Variants in GRXCR1 observed in about 807,000 individuals in gnomAD.
GRXCR1 encodes the protein glutaredoxin and cysteine rich domain containing 1.
GRXCR1 carries 27 observed loss-of-function variants against 27.3 expected under a neutral mutation model. That is an observed-to-expected ratio of 0.99 (90% CI 0.73 to 1.37). The LOEUF is 1.37. GRXCR1 is among the 40% of genes most tolerant of loss of function. GRXCR1 has a pLI of 0.00. For missense variants in GRXCR1, 379 were observed against 354.4 expected (o/e 1.07, Z -0.56); for synonymous variants, 122 against 131.1 (o/e 0.93, Z 0.47).
At chr4:42,923,483 T>A (rs1747070262) in intron 1 of GRXCR1, among the ~76,000 whole-genome samples, 1 of 152,096 alleles carries the variant, frequency 6.6e-6, no homozygotes, top group South Asian at 2.1e-4. Context: ...GTTAAAAAAA[T>A]GGACTATTTA....
At position 42,987,222 on chromosome 4, in the gene GRXCR1, T is replaced by TATTATATATTATA. The variant is rs369022273; in HGVS notation, c.627+24088_627+24089insATTATATATTATA. Reference sequence around the variant, plus strand: ...TTTTCATATATATATTATATATATATTATATATTATATATATATAATATAT... The same window carrying TATTATATATTATA: ...TTTTCATATATATATTATATATATATATTATATATTATATATATATTATATATATATAATATAT... On this transcript the variant is annotated intron_variant, in intron 2 of 3. Coordinates refer to ENST00000399770, the MANE Select transcript of GRXCR1 (RefSeq NM_001080476.3). Among the ~76,000 whole-genome samples the TATTATATATTATA allele has an allele frequency of 4.0e-4, 40 of 100,570 alleles. 1 individual carries two copies. The Middle Eastern group carries it at 0.016, about 41-fold the overall frequency. The allele number at this position is 100,570 out of a possible 152,430, so 66.0% of individuals were successfully genotyped here.
At chr4:42,932,653 GA>G (rs1560654401) in intron 1 of GRXCR1, among the ~76,000 whole-genome samples, 70 of 136,818 alleles carry the variant, frequency 5.1e-4, no homozygotes, top group Middle Eastern at 3.7e-3. Context: ...GAGAGAGAGA[GA>G]GAGAGAGAGA....
At chr4:42,925,505 T>C (rs1476463523) in intron 1 of GRXCR1, among the ~76,000 whole-genome samples, 1 of 152,080 alleles carries the variant, frequency 6.6e-6, no homozygotes, top group Non-Finnish European at 1.5e-5. Context: ...CTAATTTCAG[T>C]TGCCTGCTCA....
At chr4:42,963,727 G>T (rs1382687052) in intron 2 of GRXCR1, among the ~76,000 whole-genome samples, 1 of 151,908 alleles carries the variant, frequency 6.6e-6, no homozygotes, top group African/African-American at 2.4e-5. Context: ...GAATAATATT[G>T]TTAGTGTAGT....
intron 1 of GRXCR1, among the ~76,000 whole-genome samples, chr4:42,929,421 G>C (rs1048677963): frequency 6.6e-6 from 1 of 151,980 alleles, no homozygotes; most frequent in Non-Finnish European, 1.5e-5. Flanking sequence ...AGATGTCATG[G>C]AGGCTTCTCA....
At chr4:42,902,266 A>G (rs544226800) in intron 1 of GRXCR1, among the ~76,000 whole-genome samples, 37 of 152,318 alleles carry the variant, frequency 2.4e-4, no homozygotes, top group South Asian at 1.7e-3. Flanking sequence ...ACATCAATAA[A>G]GTTAAACTAG....
intron 1 of GRXCR1, among the ~76,000 whole-genome samples, chr4:42,897,114 T>A (rs1012258504): frequency 3.3e-5 from 5 of 152,190 alleles, no homozygotes. Context: ...TTCTTCATGC[T>A]AAGCAAATTA....
chr4:42,981,385 A>G (rs898179802), intron 2 of GRXCR1, among the ~76,000 whole-genome samples: 1 of 152,108 alleles, frequency 6.6e-6, no homozygotes, highest in Non-Finnish European at 1.5e-5. Flanking sequence ...TTGTCTTTTT[A>G]TACTGCATAT....
chr4:42,915,246 C>T (rs896147012), intron 1 of GRXCR1, among the ~76,000 whole-genome samples: 2 of 152,054 alleles, frequency 1.3e-5, no homozygotes, highest in African/African-American at 2.4e-5. Flanking sequence ...TACAGCTTGC[C>T]ATCATAGCAA....
chr4:42,942,499 G>A (rs1337278830), intron 1 of GRXCR1, among the ~76,000 whole-genome samples: 1 of 152,072 alleles, frequency 6.6e-6, no homozygotes, highest in Non-Finnish European at 1.5e-5. Context: ...CAAACTTTCT[G>A]TAGAATGTTT....
intron 1 of GRXCR1, among the ~76,000 whole-genome samples, chr4:42,930,337 T>C (rs1747274357): frequency 6.6e-6 from 1 of 152,002 alleles, no homozygotes; most frequent in Admixed American, 6.6e-5. Context: ...GTCAGGACTT[T>C]TTCCCTCTTT....
intron 1 of GRXCR1, among the ~76,000 whole-genome samples, chr4:42,957,098 C>T (rs762265921): frequency 8.6e-5 from 13 of 151,974 alleles, no homozygotes; most frequent in Non-Finnish European, 1.8e-4. Flanking sequence ...GATCTTTGTA[C>T]TTGCATGAAA....
chr4:42,915,941 T>TA (rs1368452820), intron 1 of GRXCR1, among the ~76,000 whole-genome samples: 1 of 152,138 alleles, frequency 6.6e-6, no homozygotes, highest in African/African-American at 2.4e-5. Context: ...CATCTAAACT[T>TA]AGAGTTACAA....
intron 1 of GRXCR1, among the ~76,000 whole-genome samples, chr4:42,954,717 G>T (rs75480617): frequency 0.018 from 2,681 of 152,144 alleles, 57 homozygotes; most frequent in African/African-American, 0.047. Flanking sequence ...GATGTTTTGT[G>T]GTCCAAATGT....
intron 2 of GRXCR1, among the ~76,000 whole-genome samples, chr4:42,971,431 A>C (rs1280396031): frequency 6.6e-6 from 1 of 152,124 alleles, no homozygotes. Context: ...TGAAAAACAG[A>C]GGTTTAATTG....
At chr4:42,942,747 C>T (rs1747653606) in intron 1 of GRXCR1, among the ~76,000 whole-genome samples, 2 of 152,076 alleles carry the variant, frequency 1.3e-5, no homozygotes, top group Non-Finnish European at 2.9e-5. Context: ...GTAAAAGCAT[C>T]TTGTGTCTTG....
chr4:42,901,235 C>T (rs1746453614), intron 1 of GRXCR1, among the ~76,000 whole-genome samples: 1 of 152,174 alleles, frequency 6.6e-6, no homozygotes, highest in Non-Finnish European at 1.5e-5. Context: ...TATTAGTTTC[C>T]TATTGCTGCT....
At chr4:43,004,383 T>C (rs979963225) in intron 2 of GRXCR1, among the ~76,000 whole-genome samples, 4 of 152,118 alleles carry the variant, frequency 2.6e-5, no homozygotes, top group Non-Finnish European at 5.9e-5. Context: ...GGGTTGGAGC[T>C]CCCACACAGA....
chr4:42,934,533 G>A (rs1337341559), intron 1 of GRXCR1, among the ~76,000 whole-genome samples: 1 of 151,680 alleles, frequency 6.6e-6, no homozygotes, highest in Admixed American at 6.6e-5. Context: ...AGGATTTTAG[G>A]TCACACATAA....
Sources: allele counts gnomAD v4.1 joint callset (sites outside exome capture counted in the v4.1 genomes callset), GRCh38; gene constraint gnomAD v4.1.1; transcripts MANE v1.5; gene names NCBI Gene and HGNC (gene_info 2026-07-23, HGNC 2026-07-21).